The following DSP variants were observed in gnomAD, a reference collection of about 807,000 sequenced individuals.
The protein encoded by DSP is desmoplakin.
DSP carries 114 observed loss-of-function variants against 290.6 expected under a neutral mutation model. The observed-to-expected ratio is 0.39, with a 90% CI of 0.34 to 0.46. The LOEUF is 0.46. Among genes scored for constraint, DSP ranks in the 20% least tolerant of loss-of-function variants. DSP has a pLI of 0.99. For missense variants in DSP, 3,230 were observed against 3,495.8 expected (o/e 0.92, Z 1.92); for synonymous variants, 1,311 against 1,316.4 (o/e 1.00, Z 0.09).
intron 6 of DSP, among the ~76,000 whole-genome samples, chr6:7,564,658 A>G (rs1758802451): frequency 6.6e-6 from 1 of 152,202 alleles, no homozygotes; most frequent in African/African-American, 2.4e-5. Flanking sequence ...GTATATTTCA[A>G]AATAGCTTGA....
chr6:7,580,907 G>A lies in DSP; in HGVS notation c.4717G>A (p.Val1573Met), dbSNP rs370171270. 4 of 1,614,196 alleles carry A rather than the reference G, an allele frequency of 2.5e-6. No individual in the cohort carries two copies. The highest frequency in any genetic ancestry group is 2.2e-5 in the East Asian group (1 of 44,880). Residue 1573 changes from valine to methionine, a missense_variant, in exon 23 of 24, where the codon GTG becomes ATG. Physicochemically the swap from Val to Met is conservative, Grantham distance 21. Around this residue, in one of 5 missense-constraint regions of DSP, gnomAD observed 1,714 missense variants for 1,844.5 expected, o/e 0.93. Coordinates refer to ENST00000379802, the MANE Select transcript of DSP (RefSeq NM_004415.4). This position sits in a 1 kb window ranked among gnomAD's most constrained non-coding sequence, Gnocchi z 4.2. Reference sequence around the variant, plus strand: ...AGAGCTGCAGCTGCAGAAGCAGAAGGTGGAAGAGGAGCTGAATCGGCTGAA... The same window carrying A: ...AGAGCTGCAGCTGCAGAAGCAGAAGATGGAAGAGGAGCTGAATCGGCTGAA... Reference protein sequence around the residue: ...LKELQLQKQKVEEELNRLKRT... With the variant: ...LKELQLQKQKMEEELNRLKRT...
chr6:7,549,274 T>A (rs1358677206), intron 1 of DSP, among the ~76,000 whole-genome samples: 1 of 152,036 alleles, frequency 6.6e-6, no homozygotes, highest in Non-Finnish European at 1.5e-5. Context: ...TTCAGCCTCC[T>A]GAGTAGCTGG....
In DSP at chr6:7,576,982, C is replaced by G. The variant is rs1759259923; in HGVS notation, c.2817C>G (p.Gly939=). 1 of 1,613,304 alleles carries G rather than the reference C, an allele frequency of 6.2e-7. No individual in the cohort carries two copies. ...AGAACTTGCACAGTGAAATATCTGG[C>G]AAACGAGACAAATCAGAGGAAGTAC... The part of the protein sequence containing the change: ...EQKNLHSEIS[G]KRDKSEEVQK... Residue 939 remains glycine, a synonymous_variant, in exon 20 of 24, where the codon GGC becomes GGG. Transcript: ENST00000379802.
rs149415783 is a variant in DSP, at chr6:7,557,451, G to A, written c.274-665G>A. ...TCCCAGCACTTTGGGAGGCCGAGGCGGGTGTATCACTTGAGGTCAGGAGTT... is the reference window on the plus strand; with the variant it reads ...TCCCAGCACTTTGGGAGGCCGAGGCAGGTGTATCACTTGAGGTCAGGAGTT... On this transcript the variant is annotated intron_variant, in intron 2 of 23. Transcript: ENST00000379802. Among the ~76,000 whole-genome samples the A allele has an allele frequency of 4.2e-3, 640 of 152,204 alleles. 6 individuals are homozygous for A. Among genetic ancestry groups the A allele is most frequent in the African/African-American group, 0.014 (601 of 41,542 alleles).
At chr6:7,577,690 C>A in intron 20 of DSP, 89 bp from the exon 21 acceptor site, 1 of 1,067,830 alleles carries the variant, frequency 9.4e-7, no homozygotes, top group Non-Finnish European at 1.4e-6. Context: ...GACGTGCAGC[C>A]CAATGATTTA....
In DSP at chr6:7,579,819, A is replaced by G. The variant is rs1759361937; in HGVS notation, c.3629A>G (p.Tyr1210Cys). ...NEEMSNLRNK[Y>C]ETEINITKTT... ...GAGATGAGTAATTTAAGGAACAAGT[A>G]TGAAACAGAGATTAACATTACGAAG... is the stretch of plus-strand genomic sequence containing the variant. Residue 1210 changes from tyrosine (Y) to cysteine (C), a missense_variant, in exon 23 of 24, where the codon TAT (tyrosine) becomes TGT (cysteine). Tyr to Cys is a radical substitution (Grantham distance 194). Coordinates refer to ENST00000379802, the MANE Select transcript of DSP (RefSeq NM_004415.4). This position sits in a 1 kb window ranked among gnomAD's most constrained non-coding sequence, Gnocchi z 4.1. 6.2e-7 allele frequency: 1 copy of G among 1,614,184 alleles called. No individual in the cohort carries two copies. The highest frequency in any genetic ancestry group is 8.5e-7 in the Non-Finnish European group (1 of 1,180,036).
chr6:7,542,715 C>T (rs944478828), intron 1 of DSP, among the ~76,000 whole-genome samples: 4 of 152,194 alleles, frequency 2.6e-5, no homozygotes, highest in Admixed American at 2.0e-4. Context: ...GAAACTTCCC[C>T]GCCGGGGCGG....
intron 5 of DSP, among the ~76,000 whole-genome samples, chr6:7,563,371 CT>C (rs1034373552): frequency 2.1e-5 from 3 of 145,136 alleles, no homozygotes; most frequent in African/African-American, 5.1e-5. Context: ...CTTCTTCTGG[CT>C]TTTTGGGGCT....
rs1758007808 is a variant in DSP, at chr6:7,542,172, C to T, written c.170+87C>T. On this transcript the variant is annotated intron_variant, in intron 1 of 23. Transcript: ENST00000379802. ...CTCTGGACGACTGGGAGACTCGGGTCCCGAAGGTGGAAAGGTTTTTTTGCC... is the reference window on the plus strand; with the variant it reads ...CTCTGGACGACTGGGAGACTCGGGTTCCGAAGGTGGAAAGGTTTTTTTGCC... 3 of 1,511,298 alleles carry T rather than the reference C, an allele frequency of 2.0e-6. No individual in the cohort carries two copies. In the East Asian group the frequency reaches 7.5e-5, roughly 38 times the overall value. The allele number at this position is 1,511,298 out of a possible 1,614,324, so 93.6% of individuals were successfully genotyped here.
In DSP at chr6:7,541,809, C is replaced by T. The variant is rs1404389325; in HGVS notation, c.-107C>T. The T allele has an allele frequency of 5.6e-6, 8 of 1,416,468 alleles. No homozygotes were observed. The highest frequency in any genetic ancestry group is 7.5e-6 in the Non-Finnish European group (8 of 1,063,584). The allele number at this position is 1,416,468 out of a possible 1,614,324, so 87.7% of individuals were successfully genotyped here. A position where few individuals can be genotyped will look rare whatever the true frequency, so the allele number is the denominator to read the frequency against. On this transcript the variant is annotated 5_prime_UTR_variant, in exon 1 of 24. Transcript: ENST00000379802. ...ACCTCGCGAGCCTTCCGCACTCCCG[C>T]CCGGTTCCCCGGCCGTCCGCCTATC...
In DSP at chr6:7,578,525, T is replaced by C; in HGVS notation, c.3047T>C (p.Phe1016Ser). 1 of 1,613,936 alleles carries C rather than the reference T, an allele frequency of 6.2e-7. No homozygotes were observed. The highest frequency in any genetic ancestry group is 8.5e-7 in the Non-Finnish European group (1 of 1,179,892). ...LLTRSGDYYR[F>S]LSEMLKSLED... ...ACAAGATCTGGAGACTATTACAGGT[T>C]CTTAAGTGAGATGCTGAAGAGTTTG... Residue 1016 changes from phenylalanine (F) to serine (S), a missense_variant, in exon 22 of 24, where the codon TTC (phenylalanine) becomes TCC (serine). Physicochemically the swap from Phe to Ser is radical, Grantham distance 155. Transcript: ENST00000379802.
At position 7,585,585 on chromosome 6, in the gene DSP, A is replaced by G; in HGVS notation, c.8323A>G (p.Thr2775Ala). 6.2e-7 allele frequency: 1 copy of G among 1,614,182 alleles called. No individual in the cohort carries two copies. The highest frequency in any genetic ancestry group is 8.5e-7 in the Non-Finnish European group (1 of 1,180,028). The stretch of plus-strand genomic sequence containing the variant: ...CACCAGCAGCTATGCCAAAATCCTG[A>G]CCTGCCCCAAAACCAAATTAAAAAT... ...QDTSSYAKIL[T>A]CPKTKLKISY... is the part of the protein sequence containing the mutation. The change falls in exon 24 of 24, where the codon ACC (threonine) becomes GCC (alanine). Residue 2775 changes from threonine to alanine, a missense_variant. This residue lies in a region of DSP where 582 missense variants were observed against 555.4 expected (regional missense o/e 1.05). Coordinates refer to ENST00000379802, the MANE Select transcript of DSP (RefSeq NM_004415.4).
At chr6:7,571,220 G>A in intron 13 of DSP, among the ~76,000 whole-genome samples, 163 bp from the exon 14 acceptor site, 1 of 150,948 alleles carries the variant, frequency 6.6e-6, no homozygotes, top group Non-Finnish European at 1.5e-5. Flanking sequence ...TGTGGCTCTT[G>A]GGAACAATGT....
In DSP at chr6:7,585,879, TAGTC is replaced by T. The variant is rs1759657168; in HGVS notation, c.*5_*8del. 6.2e-7 allele frequency: 1 copy of T among 1,613,528 alleles called. No individual in the cohort carries two copies. On this transcript the variant is annotated 3_prime_UTR_variant, in exon 24 of 24. Coordinates refer to ENST00000379802, the MANE Select transcript of DSP (RefSeq NM_004415.4). Reference sequence around the variant, plus strand: ...TAGCAGTAGTTCTATTGGGCACTAGTAGTCAGTTGGGAGTGGTTGCTATACCTTG... The same window carrying T: ...TAGCAGTAGTTCTATTGGGCACTAGTAGTTGGGAGTGGTTGCTATACCTTG...
rs2113670135 is a variant in DSP, at chr6:7,565,884, C to A, written c.939+364C>A. ...GGCAAGATAACTAATGGGTACTAGG[C>A]TTAATCGTGGGTGATGAAATAACCT... is the stretch of plus-strand genomic sequence containing the variant. On this transcript the variant is annotated intron_variant, in intron 7 of 23. Transcript: ENST00000379802. This position sits in a 1 kb window ranked among gnomAD's most constrained non-coding sequence, Gnocchi z 4.2. 4.1e-5 allele frequency: 15 copies of A among 365,480 alleles called. No individual in the cohort carries two copies. The highest frequency in any genetic ancestry group is 3.6e-4 in the South Asian group (15 of 42,204). The allele number at this position is 365,480 out of a possible 1,614,324, so 22.6% of individuals were successfully genotyped here.
Position 7,563,838 on chromosome 6 carries a change from A to G in DSP, c.777+52A>G, listed in dbSNP as rs1362659157. On this transcript the variant is annotated intron_variant, in intron 6 of 23. Transcript: ENST00000379802. ...TCGACTTTCTGTTGTTTCCAATTCA[A>G]TTCAGTTCAAGAAATATCAAGCACA... The G allele has an allele frequency of 3.9e-6, 6 of 1,536,874 alleles. No homozygotes were observed. In the African/African-American group the frequency reaches 6.8e-5, roughly 17 times the overall value.
Position 7,567,840 on chromosome 6 carries a change from G to A in DSP, c.1200G>A (p.Arg400=), listed in dbSNP as rs373358969. Reference sequence around the variant, plus strand: ...TGAAGGGGCTCCAGGACTCCATCAGGAAGAAGTACCCCTGCGACAAGAACA... The same window carrying A: ...TGAAGGGGCTCCAGGACTCCATCAGAAAGAAGTACCCCTGCGACAAGAACA... ...AYLKGLQDSI[R]KKYPCDKNMP... is the part of the protein sequence containing the mutation. The change falls in exon 10 of 24, where the codon AGG becomes AGA. Residue 400 remains arginine (R), a synonymous_variant. Coordinates refer to ENST00000379802, the MANE Select transcript of DSP (RefSeq NM_004415.4). 1 of 1,614,096 alleles carries A rather than the reference G, an allele frequency of 6.2e-7. No homozygotes were observed. Among genetic ancestry groups the A allele is most frequent in the East Asian group, 2.2e-5 (1 of 44,864 alleles).
chr6:7,575,613 C>A, intron 18 of DSP, 125 bp downstream of exon 18: 1 of 1,152,130 alleles, frequency 8.7e-7, no homozygotes, highest in Non-Finnish European at 1.3e-6. Flanking sequence ...TTAGGCGTAA[C>A]AGATGCTCTT....
chr6:7,578,376 C>A, intron 21 of DSP, 88 bp from the exon 22 acceptor site: 1 of 1,110,960 alleles, frequency 9.0e-7, no homozygotes, highest in Non-Finnish European at 1.4e-6. Flanking sequence ...TATAATTTCA[C>A]TATTTTAGAA....
Sources: allele counts gnomAD v4.1 joint callset (sites outside exome capture counted in the v4.1 genomes callset), GRCh38; gene constraint gnomAD v4.1.1; regional missense constraint gnomAD v4.1.1; non-coding constraint Gnocchi (gnomAD v3.1); transcripts MANE v1.5; gene names NCBI Gene and HGNC (gene_info 2026-07-23, HGNC 2026-07-21).